Variants in PGGT1B observed in about 807,000 individuals in gnomAD.
The protein encoded by PGGT1B is geranylgeranyl transferase type-1 subunit beta.
A neutral mutation model predicts 46.1 loss-of-function variants in PGGT1B; 30 were observed. That is an observed-to-expected ratio of 0.65 (90% CI 0.49 to 0.88). PGGT1B has a LOEUF of 0.88. Among genes scored for constraint, PGGT1B ranks in the 40% least tolerant of loss-of-function variants. The pLI, the probability that PGGT1B is intolerant of heterozygous loss-of-function variation, is 0.00. For synonymous variants in PGGT1B, 170 were observed against 160.0 expected, an observed-to-expected ratio of 1.06 and a Z score of -0.47; for missense variants, 376 against 455.9, an observed-to-expected ratio of 0.82 and a Z score of 1.60.
chr5:115,231,817 A>G (rs1756992516), intron 5 of PGGT1B: 1 of 152,106 alleles, frequency 6.6e-6, no homozygotes, highest in Non-Finnish European at 1.5e-5. Context: ...GCTAAATAAC[A>G]CAACAAACTT....
intron 7 of PGGT1B, among the ~76,000 whole-genome samples, chr5:115,217,236 T>A (rs1756448341): frequency 6.6e-6 from 1 of 151,812 alleles, no homozygotes; most frequent in Non-Finnish European, 1.5e-5. Context: ...TTAAGCTAAA[T>A]TCAAAAGACA....
intron 7 of PGGT1B, among the ~76,000 whole-genome samples, chr5:115,217,740 T>C (rs1247199028): frequency 1.3e-5 from 2 of 151,948 alleles, no homozygotes; most frequent in African/African-American, 4.8e-5. Flanking sequence ...GCTAAACTCA[T>C]AAGAAAGTTA....
chr5:115,215,411 G>A (rs1194441471), intron 8 of PGGT1B, among the ~76,000 whole-genome samples: 1 of 152,076 alleles, frequency 6.6e-6, no homozygotes, highest in African/African-American at 2.4e-5. Flanking sequence ...CAATTCTTCT[G>A]CCCCAGCCTC....
intron 1 of PGGT1B, among the ~76,000 whole-genome samples, chr5:115,257,991 C>A (rs1748396244): frequency 6.6e-6 from 1 of 152,180 alleles, no homozygotes; most frequent in South Asian, 2.1e-4. Context: ...CATTATTCTT[C>A]ATTTATAATT....
intron 6 of PGGT1B, among the ~76,000 whole-genome samples, chr5:115,230,093 A>AT (rs1756930153): frequency 6.6e-6 from 1 of 152,076 alleles, no homozygotes; most frequent in Admixed American, 6.6e-5. Flanking sequence ...ACTTTCCCCC[A>AT]TATCTCTTAT....
At position 115,206,806 on chromosome 5, in the gene PGGT1B, G is replaced by C. The variant is rs969806767; in HGVS notation, c.*5596C>G. The C allele has an allele frequency of 7.2e-5, 11 of 151,806 alleles. No homozygotes were observed. Among genetic ancestry groups the C allele is most frequent in the African/African-American group, 2.7e-4 (11 of 41,368 alleles). 9.4% of individuals were successfully genotyped at this position (151,806 alleles called of 1,614,324 possible). Reference sequence around the variant, plus strand: ...GTGCACACTTTAAAAAATTCTGATAGCTTCTGCCATGGAGGATTTAGAGTA... The same window carrying C: ...GTGCACACTTTAAAAAATTCTGATACCTTCTGCCATGGAGGATTTAGAGTA... On this transcript the variant is annotated 3_prime_UTR_variant, in exon 9 of 9. Transcript: ENST00000419445.
intron 1 of PGGT1B, among the ~76,000 whole-genome samples, chr5:115,258,161 T>A (rs563584896): frequency 6.6e-6 from 1 of 152,344 alleles, no homozygotes; most frequent in African/African-American, 2.4e-5. Flanking sequence ...CAAAAATGAA[T>A]AAAGCTTCCT....
intron 5 of PGGT1B, among the ~76,000 whole-genome samples, chr5:115,233,271 C>A (rs1004520308): frequency 3.3e-5 from 5 of 151,342 alleles, no homozygotes; most frequent in Non-Finnish European, 7.4e-5. Context: ...AAGCTAAAAA[C>A]AGATGAACAA....
At chr5:115,247,185 T>C (rs374017436) in intron 2 of PGGT1B, among the ~76,000 whole-genome samples, 1 of 152,182 alleles carries the variant, frequency 6.6e-6, no homozygotes, top group Admixed American at 6.5e-5. Context: ...CATTGAAAGA[T>C]AGTACATTTA....
In PGGT1B at chr5:115,206,951, A is replaced by C. The variant is rs1454854729; in HGVS notation, c.*5451T>G. The C allele has an allele frequency of 6.6e-6, 1 of 151,754 alleles. No individual in the cohort carries two copies. The highest frequency in any genetic ancestry group is 1.5e-5 in the Non-Finnish European group (1 of 67,838). The allele number at this position is 151,754 out of a possible 1,614,324, so 9.4% of individuals were successfully genotyped here. ...TGGAATGGCACTGAATTTATAAATG[A>C]ACCTAAGTGGGGAAAGACATGTTTT... is the stretch of plus-strand genomic sequence containing the variant. On this transcript the variant is annotated 3_prime_UTR_variant, in exon 9 of 9. Coordinates refer to ENST00000419445, the MANE Select transcript of PGGT1B (RefSeq NM_005023.4).
chr5:115,255,442 C>G (rs1748271288), intron 1 of PGGT1B, among the ~76,000 whole-genome samples: 1 of 152,306 alleles, frequency 6.6e-6, no homozygotes, highest in Admixed American at 6.5e-5. Context: ...ACCTGCAATA[C>G]TACATCTAAC....
At chr5:115,226,139 A>G (rs1214245101) in intron 6 of PGGT1B, among the ~76,000 whole-genome samples, 1 of 152,090 alleles carries the variant, frequency 6.6e-6, no homozygotes, top group Non-Finnish European at 1.5e-5. Flanking sequence ...GGAAAATTCA[A>G]TTCTTCCAAA....
rs780000997 is a variant in PGGT1B, at chr5:115,262,777, G to A, written c.75C>T (p.His25=). 73 of 1,613,374 alleles carry A rather than the reference G, an allele frequency of 4.5e-5. 1 individual carries two copies. The highest frequency in any genetic ancestry group is 5.7e-5 in the Non-Finnish European group (67 of 1,179,836). Residue 25 remains histidine (H), a synonymous_variant, in exon 1 of 9, where the codon CAC becomes CAT. Transcript: ENST00000419445. The part of the protein sequence containing the change: ...GERLDFLRDR[H]VRFFQRCLQV... ...GGAGGCAGCGCTGGAAAAATCGCAC[G>A]TGCCGATCCCGTAAGAAATCCAGCC...
intron 7 of PGGT1B, 43 bp from the exon 8 acceptor site, chr5:115,217,016 A>T (rs570734573): frequency 1.2e-6 from 1 of 867,062 alleles, no homozygotes; most frequent in Admixed American, 2.0e-5. Context: ...CATAAAACTC[A>T]TATCAACCTT....
chr5:115,247,555 G>C (rs978624177), intron 2 of PGGT1B, among the ~76,000 whole-genome samples: 1 of 152,074 alleles, frequency 6.6e-6, no homozygotes, highest in Non-Finnish European at 1.5e-5. Flanking sequence ...TTTATGGATA[G>C]AGAAATAATT....
intron 7 of PGGT1B, among the ~76,000 whole-genome samples, chr5:115,218,576 G>T (rs1025698997): frequency 7.4e-5 from 11 of 147,702 alleles, no homozygotes; most frequent in Non-Finnish European, 4.5e-5. Context: ...AACTCATTTT[G>T]TTGAACACTA....
intron 7 of PGGT1B, among the ~76,000 whole-genome samples, chr5:115,220,032 G>A (rs926644904): frequency 6.6e-6 from 1 of 151,656 alleles, no homozygotes; most frequent in African/African-American, 2.4e-5. Flanking sequence ...GGAAAAGTTT[G>A]GCATTTCCTC....
At chr5:115,219,272 T>C (rs1756516844) in intron 7 of PGGT1B, among the ~76,000 whole-genome samples, 1 of 151,722 alleles carries the variant, frequency 6.6e-6, no homozygotes, top group African/African-American at 2.4e-5. Flanking sequence ...CAGAATAAAA[T>C]AAGACGTCCA....
intron 6 of PGGT1B, among the ~76,000 whole-genome samples, chr5:115,226,112 T>C (rs907605974): frequency 1.2e-4 from 19 of 152,028 alleles, no homozygotes; most frequent in African/African-American, 4.4e-4. Flanking sequence ...GAGAATAGTT[T>C]TATCTCTAAC....
Sources: gnomAD v4.1 joint callset for allele counts (sites outside exome capture counted in the v4.1 genomes callset) on GRCh38, gnomAD v4.1.1 for gene constraint, MANE v1.5 for transcripts, NCBI Gene and HGNC (gene_info 2026-07-23, HGNC 2026-07-21) for gene names.